PHTF2: variants seen among roughly 807,000 people sequenced by gnomAD.
PHTF2 encodes the protein putative homeodomain transcription factor 2, also known as protein PHTF2.
In PHTF2, 60 loss-of-function variants were observed where a neutral mutation model predicts 101.2. The observed-to-expected ratio is 0.59, with a 90% confidence interval of 0.48 to 0.73. The LOEUF is 0.73. PHTF2 is among the 30% of genes least tolerant of loss of function. The pLI is 0.00. For synonymous variants in PHTF2, 311 were observed against 307.3 expected (o/e 1.01, Z -0.13); for missense variants, 747 against 908.7 (o/e 0.82, Z 2.29).
At chr7:77,876,024 A>C (rs1237141694) in intron 3 of PHTF2, among the ~76,000 whole-genome samples, 1 of 152,210 alleles carries the variant, frequency 6.6e-6, no homozygotes, top group Non-Finnish European at 1.5e-5. Context: ...AGTTTTCTTA[A>C]GGTCACACAG....
chr7:77,929,288 A>G (rs1272632503), exon 12 of PHTF2: 3 of 1,611,182 alleles, frequency 1.9e-6, no homozygotes, highest in Non-Finnish European at 2.5e-6. Context: ...AGATTAATCC[A>G]TGTGTGAAAA....
At chr7:77,812,739 G>A (rs539697944) in intron 1 of PHTF2, among the ~76,000 whole-genome samples, 3 of 152,088 alleles carry the variant, frequency 2.0e-5, no homozygotes, top group South Asian at 2.1e-4. Flanking sequence ...ACAGGCGCAC[G>A]CCACCACGCC....
At chr7:77,951,154 T>TA in intron 17 of PHTF2, among the ~76,000 whole-genome samples, 1 of 152,192 alleles carries the variant, frequency 6.6e-6, no homozygotes, top group Middle Eastern at 3.4e-3. Flanking sequence ...AAATAAATCA[T>TA]AAAACAACAA....
intron 3 of PHTF2, among the ~76,000 whole-genome samples, chr7:77,859,633 A>G (rs1395107770): frequency 6.7e-6 from 1 of 149,782 alleles, no homozygotes; most frequent in Non-Finnish European, 1.5e-5. Context: ...GCACAATCAC[A>G]GCTTACTGCA....
At chr7:77,910,769 G>A (rs540161209) in intron 9 of PHTF2, among the ~76,000 whole-genome samples, 1 of 152,130 alleles carries the variant, frequency 6.6e-6, no homozygotes, top group Non-Finnish European at 1.5e-5. Flanking sequence ...AGCCACCCGA[G>A]TAGCTGGGCT....
intron 2 of PHTF2, among the ~76,000 whole-genome samples, chr7:77,845,454 G>A (rs1253984159): frequency 1.3e-5 from 2 of 152,204 alleles, no homozygotes; most frequent in African/African-American, 4.8e-5. Context: ...AGTTGCCAAT[G>A]AGAAAACTAA....
chr7:77,854,570 C>A (rs983426324), intron 2 of PHTF2, among the ~76,000 whole-genome samples: 4 of 152,146 alleles, frequency 2.6e-5, no homozygotes, highest in Non-Finnish European at 4.4e-5. Context: ...CCCGTACCCC[C>A]CAACCCCAGC....
chr7:77,866,109 G>A (rs1370398525), intron 3 of PHTF2, among the ~76,000 whole-genome samples: 1 of 150,994 alleles, frequency 6.6e-6, no homozygotes, highest in Non-Finnish European at 1.5e-5. Flanking sequence ...ACTTGAACTT[G>A]GGAGGCAGAG....
chr7:77,834,294 C>T (rs534775575), intron 1 of PHTF2, among the ~76,000 whole-genome samples: 1 of 127,852 alleles, frequency 7.8e-6, no homozygotes, highest in African/African-American at 3.1e-5. Flanking sequence ...GCCCGGGCAA[C>T]TGAGTGAGAC....
intron 1 of PHTF2, among the ~76,000 whole-genome samples, chr7:77,822,631 C>T (rs544270179): frequency 9.9e-5 from 15 of 152,212 alleles, no homozygotes; most frequent in African/African-American, 3.6e-4. Context: ...TTACCTTTTC[C>T]CTGAAATGGG....
At chr7:77,806,543 T>C (rs1792999806) in intron 1 of PHTF2, among the ~76,000 whole-genome samples, 1 of 152,196 alleles carries the variant, frequency 6.6e-6, no homozygotes, top group South Asian at 2.1e-4. Flanking sequence ...TTTTTATGTT[T>C]ATATTTAAGT....
At chr7:77,926,474 A>G (rs980625992) in intron 11 of PHTF2, among the ~76,000 whole-genome samples, 2 of 152,060 alleles carry the variant, frequency 1.3e-5, no homozygotes, top group Admixed American at 6.6e-5. Context: ...CAAACACTCT[A>G]TTAACACACT....
intron 3 of PHTF2, among the ~76,000 whole-genome samples, chr7:77,888,691 G>A (rs1464110913): frequency 6.6e-6 from 1 of 152,110 alleles, no homozygotes; most frequent in Non-Finnish European, 1.5e-5. Context: ...TAAAAAAGTA[G>A]TTATTTTCTT....
At chr7:77,879,035 T>C (rs1799180608) in intron 3 of PHTF2, among the ~76,000 whole-genome samples, 2 of 152,144 alleles carry the variant, frequency 1.3e-5, no homozygotes, top group Non-Finnish European at 2.9e-5. Context: ...AGCAGTGCAG[T>C]CCCAGGTACT....
At chr7:77,906,483 G>A (rs370190458) in intron 7 of PHTF2, 2 of 152,072 alleles carry the variant, frequency 1.3e-5, no homozygotes, top group African/African-American at 4.8e-5. Context: ...ATGCCTTGTC[G>A]TCAGAATTTC....
chr7:77,856,345 AT>A (rs1244250069), intron 3 of PHTF2, among the ~76,000 whole-genome samples: 1 of 151,418 alleles, frequency 6.6e-6, no homozygotes, highest in Non-Finnish European at 1.5e-5. Context: ...ATTTTTAAAA[AT>A]TTTTACTTAT....
At chr7:77,937,274 A>G (rs1805230071) in intron 12 of PHTF2, among the ~76,000 whole-genome samples, 2 of 152,330 alleles carry the variant, frequency 1.3e-5, no homozygotes, top group Non-Finnish European at 2.9e-5. Context: ...AAGTTGGACA[A>G]TGATTACTAT....
chr7:77,929,053 T>G, intron 11 of PHTF2, 56 bp from the exon 11 acceptor site: 1 of 1,296,866 alleles, frequency 7.7e-7, no homozygotes, highest in Non-Finnish European at 1.1e-6. Flanking sequence ...ATAGTATCCT[T>G]TGAGTTGGAA....
chr7:77,803,351 T>C (rs1792713443), intron 1 of PHTF2, among the ~76,000 whole-genome samples: 1 of 152,216 alleles, frequency 6.6e-6, no homozygotes, highest in African/African-American at 2.4e-5. Context: ...CATGTAGGCA[T>C]TCATATTTGT....
Sources: allele counts gnomAD v4.1 joint callset (sites outside exome capture counted in the v4.1 genomes callset), GRCh38; gene constraint gnomAD v4.1.1; transcripts MANE v1.5; gene names NCBI Gene and HGNC (gene_info 2026-07-23, HGNC 2026-07-21).